The following MYO16 variants were observed in gnomAD, a reference collection of about 807,000 sequenced individuals.
The protein encoded by MYO16 is unconventional myosin-XVI.
A neutral mutation model predicts 205.3 loss-of-function variants in MYO16; 94 were observed. The observed-to-expected ratio is 0.46, with a 90% CI of 0.39 to 0.54. The LOEUF (loss-of-function observed/expected upper bound fraction) is 0.54, where lower values mean the gene tolerates loss of function less well. Among genes scored for constraint, MYO16 ranks in the 20% least tolerant of loss-of-function variants. The probability of loss-of-function intolerance (pLI) is 0.00; values close to 1 mark genes in which losing one functional copy is unlikely to be tolerated. For missense variants in MYO16, 2,315 were observed against 2,387.5 expected (o/e 0.97, Z 0.63); for synonymous variants, 988 against 954.0 (o/e 1.04, Z -0.66).
chr13:108,508,352 T>C, the MYO16 span, among the ~76,000 whole-genome samples: 1 of 152,174 alleles, frequency 6.6e-6, no homozygotes, highest in African/African-American at 2.4e-5. Flanking sequence ...TGGAGGCCTC[T>C]CAAAGCTTTT....
At chr13:108,735,474 G>A (rs1204466247) in intron 4 of MYO16, among the ~76,000 whole-genome samples, 1 of 151,000 alleles carries the variant, frequency 6.6e-6, no homozygotes, top group Non-Finnish European at 1.5e-5. Context: ...GTATTCCATG[G>A]TATATACCAT....
At chr13:108,926,734 G>C (rs1882025164) in intron 16 of MYO16, among the ~76,000 whole-genome samples, 2 of 152,156 alleles carry the variant, frequency 1.3e-5, no homozygotes, top group Admixed American at 1.3e-4. Flanking sequence ...TTCACCAGGG[G>C]TGGTGGCCTC....
At chr13:108,506,879 A>AT in the MYO16 span, among the ~76,000 whole-genome samples, 4 of 151,764 alleles carry the variant, frequency 2.6e-5, no homozygotes, top group African/African-American at 4.8e-5. Context: ...AGTTTGTTGA[A>AT]TTTTTTTTAC....
intron 16 of MYO16, among the ~76,000 whole-genome samples, chr13:108,919,404 TTTCTG>T (rs1233130379): frequency 4.1e-4 from 63 of 152,260 alleles, no homozygotes; most frequent in African/African-American, 1.4e-3. Flanking sequence ...AAATATTGCT[TTTCTG>T]TCACATCCAA....
rs778777630 is a variant in MYO16, at chr13:108,785,719, C to T, written c.592C>T (p.Leu198=). The T allele has an allele frequency of 3.1e-6, 5 of 1,609,808 alleles. No homozygotes were observed. In the Admixed American group the frequency reaches 5.1e-5, roughly 16 times the overall value. The part of the protein sequence containing the change: ...AVEGTESSSI[L]LTYLDENGVD... The stretch of plus-strand genomic sequence containing the variant: ...AGAAGGGACAGAATCCAGCTCTATC[C>T]TGTTGACCTATCTGGATGAAAATGG... Residue 198 remains leucine, a synonymous_variant, in exon 5 of 35, where the codon CTG becomes TTG. Coordinates refer to ENST00000457511, the MANE Select transcript of MYO16 (RefSeq NM_001198950.3).
intron 28 of MYO16, among the ~76,000 whole-genome samples, chr13:109,116,986 G>T (rs548774576): frequency 6.6e-6 from 1 of 152,242 alleles, no homozygotes; most frequent in South Asian, 2.1e-4. Context: ...AGTTACAATG[G>T]GCTTCTGGGC....
intron 1 of MYO16, among the ~76,000 whole-genome samples, chr13:108,663,487 G>T (rs890215528): frequency 6.6e-6 from 1 of 152,028 alleles, no homozygotes; most frequent in Non-Finnish European, 1.5e-5. Flanking sequence ...TCAAAACATG[G>T]GGAATTATTT....
intron 7 of MYO16, among the ~76,000 whole-genome samples, chr13:108,808,000 G>A (rs758698962): frequency 3.0e-4 from 46 of 152,098 alleles, no homozygotes; most frequent in Non-Finnish European, 5.3e-4. Context: ...TGTTGAGGGT[G>A]ACTAAATGAA....
At chr13:109,064,897 G>T (rs1305089860) in intron 27 of MYO16, among the ~76,000 whole-genome samples, 1 of 152,168 alleles carries the variant, frequency 6.6e-6, no homozygotes, top group Non-Finnish European at 1.5e-5. Flanking sequence ...ATCTGTTATT[G>T]TGTATTGGAC....
chr13:108,730,553 C>T (rs1402467048), intron 4 of MYO16, among the ~76,000 whole-genome samples: 2 of 152,134 alleles, frequency 1.3e-5, no homozygotes, highest in East Asian at 3.9e-4. Flanking sequence ...GGACTGGTAT[C>T]TGGCGTAACA....
chr13:108,549,545 C>G, the MYO16 span, among the ~76,000 whole-genome samples: 1 of 151,958 alleles, frequency 6.6e-6, no homozygotes, highest in Non-Finnish European at 1.5e-5. Context: ...ACCAATGCAA[C>G]ATAAATAGAG....
At chr13:108,692,109 T>C (rs1312109120) in intron 2 of MYO16, among the ~76,000 whole-genome samples, 1 of 152,256 alleles carries the variant, frequency 6.6e-6, no homozygotes, top group African/African-American at 2.4e-5. Context: ...TTACATTTAA[T>C]AATGAACTTT....
At chr13:108,528,563 TCTCCTCTCCCCTCCCCTCCCCTTTCCC>T in the MYO16 span, among the ~76,000 whole-genome samples, 1 of 63,480 alleles carries the variant, frequency 1.6e-5, no homozygotes. Context: ...TCTCCTCTCC[TCTCCTCTCCCCTCCCCTCCCCTTTCCC>T]CTCCTCTCCC....
At chr13:108,993,127 C>T (rs114461454) in intron 21 of MYO16, among the ~76,000 whole-genome samples, 38 of 152,052 alleles carry the variant, frequency 2.5e-4, no homozygotes, top group Admixed American at 2.0e-3. Flanking sequence ...CATTATAGTA[C>T]GGGAAGAATT....
intron 2 of MYO16, among the ~76,000 whole-genome samples, chr13:108,693,965 G>A (rs570798871): frequency 1.3e-5 from 2 of 152,168 alleles, no homozygotes; most frequent in East Asian, 1.9e-4. Flanking sequence ...GTGGTATTTG[G>A]TTTTCTGTTC....
rs188107534 is a variant in MYO16, at chr13:108,659,928, G to A, written c.29-5958G>A. On this transcript the variant is annotated intron_variant, in intron 1 of 34. Coordinates refer to ENST00000457511, the MANE Select transcript of MYO16 (RefSeq NM_001198950.3). ...ATAGATATTAGTATAATGTACGGTT[G>A]AAGGATAGTAATTGATATTGTAGGA... Among the ~76,000 whole-genome samples, 37 of 152,240 alleles carry A rather than the reference G, an allele frequency of 2.4e-4. No homozygotes were observed. The East Asian group carries it at 7.1e-3, about 29-fold the overall frequency.
intron 9 of MYO16, among the ~76,000 whole-genome samples, chr13:108,843,755 A>C (rs1004044655): frequency 6.6e-6 from 1 of 152,186 alleles, no homozygotes; most frequent in Non-Finnish European, 1.5e-5. Context: ...TAAAGTCAAT[A>C]GAAAAATAAA....
intron 2 of MYO16, among the ~76,000 whole-genome samples, chr13:108,681,547 G>A (rs906935969): frequency 5.9e-5 from 9 of 152,084 alleles, no homozygotes; most frequent in Admixed American, 4.6e-4. Flanking sequence ...TGGAGCTTAT[G>A]GTCCAGAATA....
At chr13:108,842,821 A>C (rs1011255148) in intron 9 of MYO16, among the ~76,000 whole-genome samples, 3 of 152,238 alleles carry the variant, frequency 2.0e-5, no homozygotes, top group African/African-American at 7.2e-5. Flanking sequence ...TCATTTCAGC[A>C]TTATTCACGA....
Sources: gnomAD v4.1 joint callset for allele counts (sites outside exome capture counted in the v4.1 genomes callset) on GRCh38, gnomAD v4.1.1 for gene constraint, MANE v1.5 for transcripts, NCBI Gene and HGNC (gene_info 2026-07-23, HGNC 2026-07-21) for gene names.